The following CTNNA2 variants were observed in gnomAD, a reference collection of about 807,000 sequenced individuals.
The protein encoded by CTNNA2 is catenin alpha 2, also known as catenin alpha-2.
A neutral mutation model predicts 101.0 loss-of-function variants in CTNNA2; 42 were observed. That is an observed-to-expected ratio of 0.42 (90% CI 0.32 to 0.54). CTNNA2 has a LOEUF of 0.54. CTNNA2 is among the 20% of genes least tolerant of loss of function. The probability of loss-of-function intolerance (pLI) is 0.14; values close to 1 mark genes in which losing one functional copy is unlikely to be tolerated. For synonymous variants in CTNNA2, 450 were observed against 456.4 expected, an observed-to-expected ratio of 0.99 and a Z score of 0.18; for missense variants, 871 against 1,223.1, an observed-to-expected ratio of 0.71 and a Z score of 4.29.
At chr2:80,404,843 G>T (rs954659235) in intron 8 of CTNNA2, among the ~76,000 whole-genome samples, 2 of 152,158 alleles carry the variant, frequency 1.3e-5, no homozygotes, top group Non-Finnish European at 2.9e-5. Context: ...ATTGAGTTAA[G>T]ATCAGTGATT....
intron 7 of CTNNA2, among the ~76,000 whole-genome samples, chr2:80,023,759 TA>T (rs1694738668): frequency 6.6e-6 from 1 of 152,198 alleles, no homozygotes; most frequent in Non-Finnish European, 1.5e-5. Flanking sequence ...TACAAAATTA[TA>T]AATTATAGTT....
chr2:79,286,590 C>A (rs1437185127), intron 2 of CTNNA2, among the ~76,000 whole-genome samples: 3 of 152,310 alleles, frequency 2.0e-5, no homozygotes, highest in African/African-American at 7.2e-5. Flanking sequence ...CCCCCACTCT[C>A]TTCTGGCTTG....
chr2:80,252,587 C>T (rs1249820960), intron 7 of CTNNA2, among the ~76,000 whole-genome samples: 3 of 152,026 alleles, frequency 2.0e-5, no homozygotes, highest in Non-Finnish European at 4.4e-5. Flanking sequence ...TAAAACAGCT[C>T]GATAAATTCT....
intron 15 of CTNNA2, among the ~76,000 whole-genome samples, chr2:80,592,868 T>C (rs1302787244): frequency 6.6e-6 from 1 of 152,166 alleles, no homozygotes; most frequent in Non-Finnish European, 1.5e-5. Flanking sequence ...TTAGTACTTA[T>C]TACCTTCTCA....
intron 6 of CTNNA2, among the ~76,000 whole-genome samples, chr2:79,894,002 CTT>C (rs1337461771): frequency 3.9e-5 from 3 of 77,120 alleles, no homozygotes; most frequent in African/African-American, 8.4e-5. Flanking sequence ...TCTTCTTCTT[CTT>C]CTTCTTCTTC....
intron 7 of CTNNA2, among the ~76,000 whole-genome samples, chr2:80,039,279 A>T (rs1450783016): frequency 6.6e-6 from 1 of 152,124 alleles, no homozygotes; most frequent in African/African-American, 2.4e-5. Context: ...GAAGCATAAG[A>T]GATACCCAGA....
rs552335459 is a variant in CTNNA2, at chr2:80,647,833, A to G, written c.2823A>G (p.Val941=). The change falls in exon 19 of 19, where the codon GTA becomes GTG. Residue 941 remains valine, a synonymous_variant. Coordinates refer to ENST00000402739, the MANE Select transcript of CTNNA2 (RefSeq NM_001282597.3). ...RGSQKKHISP[V]QALSEFKAMD... is the part of the protein sequence containing the mutation. ...CTCAGAAGAAACACATTTCGCCTGT[A>G]CAGGCTTTAAGTGAATTCAAAGCAA... 6.2e-7 allele frequency: 1 copy of G among 1,613,046 alleles called. No individual in the cohort carries two copies. Among genetic ancestry groups the G allele is most frequent in the East Asian group, 2.2e-5 (1 of 44,852 alleles).
intron 11 of CTNNA2, among the ~76,000 whole-genome samples, chr2:80,552,324 T>TG (rs1247249242): frequency 2.6e-5 from 4 of 151,958 alleles, no homozygotes; most frequent in African/African-American, 9.7e-5. Context: ...AATTTGTATT[T>TG]GGGGGGGAAG....
chr2:80,623,278 C>T (rs554429349), intron 18 of CTNNA2, among the ~76,000 whole-genome samples: 1 of 151,850 alleles, frequency 6.6e-6, no homozygotes, highest in East Asian at 2.0e-4. Context: ...GGAAAACAAG[C>T]ACGTGAACTA....
At chr2:79,224,061 GTTTTGCCAA>G (rs1674379062) in intron 2 of CTNNA2, among the ~76,000 whole-genome samples, 1 of 152,178 alleles carries the variant, frequency 6.6e-6, no homozygotes, top group Admixed American at 6.5e-5. Context: ...TGATCTGAAA[GTTTTGCCAA>G]AGTCTTCAAT....
chr2:80,357,255 G>A (rs1417257057), intron 7 of CTNNA2, among the ~76,000 whole-genome samples: 31 of 145,844 alleles, frequency 2.1e-4, no homozygotes, highest in Non-Finnish European at 4.2e-4. Flanking sequence ...TTTTTTGTTT[G>A]TTTGTTTTTG....
chr2:79,458,414 T>G (rs184648189), intron 4 of CTNNA2, among the ~76,000 whole-genome samples: 3 of 152,316 alleles, frequency 2.0e-5, no homozygotes, highest in Non-Finnish European at 1.5e-5. Flanking sequence ...ATGAATGTCT[T>G]GTGCTCTCTC....
chr2:79,417,903 C>A (rs555238200), intron 4 of CTNNA2, among the ~76,000 whole-genome samples: 1 of 152,158 alleles, frequency 6.6e-6, no homozygotes, highest in South Asian at 2.1e-4. Context: ...CATGGCATTG[C>A]AGTAAAGAAA....
rs533168707 is a variant in CTNNA2 at position 79,467,289 on chromosome 2, C to T, written c.-134-37765C>T. On this transcript the variant is annotated intron_variant, in intron 4 of 21. Transcript: ENST00000466387. ...AGAAAGGGTATCAGTGACTGAAGAT[C>T]AAATGAATGAAATGAAGCAAGAAGA... 7.2e-5 allele frequency among the ~76,000 whole-genome samples: 11 copies of T among 151,848 alleles called. No individual in the cohort carries two copies. The East Asian group carries it at 1.6e-3, about 21-fold the overall frequency.
intron 8 of CTNNA2, among the ~76,000 whole-genome samples, chr2:80,419,155 A>C (rs912687761): frequency 1.8e-4 from 28 of 152,128 alleles, no homozygotes; most frequent in Non-Finnish European, 3.7e-4. Context: ...AAACATCCAG[A>C]AGGTTCGGGT....
chr2:80,337,203 A>G (rs1215007455), intron 7 of CTNNA2, among the ~76,000 whole-genome samples: 1 of 151,856 alleles, frequency 6.6e-6, no homozygotes, highest in Non-Finnish European at 1.5e-5. Flanking sequence ...AAAATACAAA[A>G]CATTAGCCGG....
At chr2:79,675,372 G>T (rs1337605200) in intron 2 of CTNNA2, among the ~76,000 whole-genome samples, 1 of 152,090 alleles carries the variant, frequency 6.6e-6, no homozygotes, top group African/African-American at 2.4e-5. Context: ...TTAGGATTCT[G>T]GTAAAGAGGG....
intron 7 of CTNNA2, among the ~76,000 whole-genome samples, chr2:80,257,532 A>G (rs1672266409): frequency 6.6e-6 from 1 of 152,332 alleles, no homozygotes; most frequent in East Asian, 1.9e-4. Context: ...ACTTTTCATC[A>G]TATTCTGTGG....
Position 80,303,161 on chromosome 2 carries a change from T to A in CTNNA2, c.1057-90050T>A. 2 of 1,613,982 alleles carry A rather than the reference T, an allele frequency of 1.2e-6. No homozygotes were observed. Among genetic ancestry groups the A allele is most frequent in the Non-Finnish European group, 1.7e-6 (2 of 1,179,968 alleles). On this transcript the variant is annotated intron_variant, in intron 7 of 18. Transcript: ENST00000402739. The surrounding 1 kb of genome is among the most constrained non-coding windows in gnomAD (Gnocchi z 7.7). ...GTGGGCGAAGTTCACCTTGACCAAG[T>A]CGTTGTGCTCGAGGTGCAGCTCGGT...
Sources: allele counts gnomAD v4.1 joint callset (sites outside exome capture counted in the v4.1 genomes callset), GRCh38; gene constraint gnomAD v4.1.1; non-coding constraint Gnocchi (gnomAD v3.1); transcripts MANE v1.5; gene names NCBI Gene and HGNC (gene_info 2026-07-23, HGNC 2026-07-21).